Variants in RIPK2 observed in about 807,000 individuals in gnomAD.
RIPK2 encodes receptor interacting serine/threonine kinase 2, also known as receptor-interacting serine/threonine-protein kinase 2.
In RIPK2, 38 loss-of-function variants were observed where a neutral mutation model predicts 60.9. The observed-to-expected ratio is 0.62, with a 90% CI of 0.48 to 0.82. The LOEUF (loss-of-function observed/expected upper bound fraction) is 0.82, where lower values mean the gene tolerates loss of function less well. RIPK2 is among the 40% of genes least tolerant of loss of function. The probability of loss-of-function intolerance (pLI) is 0.00; values close to 1 mark genes in which losing one functional copy is unlikely to be tolerated. For synonymous variants in RIPK2, 225 were observed against 223.4 expected, an observed-to-expected ratio of 1.01 and a Z score of -0.06; for missense variants, 518 against 647.0, an observed-to-expected ratio of 0.80 and a Z score of 2.16.
chr8:89,765,594 TTAGAGA>T (rs1181455200), intron 3 of RIPK2, 98 bp downstream of exon 3: 1 of 703,680 alleles, frequency 1.4e-6, no homozygotes, highest in African/African-American at 1.8e-5. Context: ...ATGTCTCTCC[TTAGAGA>T]TAGAGACTAA....
chr8:89,764,657 A>C (rs115523763), intron 2 of RIPK2, among the ~76,000 whole-genome samples: 1 of 152,170 alleles, frequency 6.6e-6, no homozygotes, highest in Admixed American at 6.6e-5. Flanking sequence ...ACTATGAAAA[A>C]TAAAATGTTA....
intron 3 of RIPK2, among the ~76,000 whole-genome samples, chr8:89,766,355 C>T (rs556188318): frequency 7.9e-5 from 12 of 151,850 alleles, no homozygotes; most frequent in Non-Finnish European, 1.8e-4. Context: ...CCCAAGAATG[C>T]AAATGCTGGG....
At position 89,771,809 on chromosome 8, in the gene RIPK2, T is replaced by C. The variant is rs897997028; in HGVS notation, c.691+19T>C. ...TTTGAAGGTAAGTATGGTTTGACTT[T>C]TTTATGCTCAATAACATCATGTTAG... is the stretch of plus-strand genomic sequence containing the variant. On this transcript the variant is annotated intron_variant, in intron 5 of 10. Coordinates refer to ENST00000220751, the MANE Select transcript of RIPK2 (RefSeq NM_003821.6). 3.2e-6 allele frequency: 5 copies of C among 1,539,464 alleles called. No individual in the cohort carries two copies. In the African/African-American group the frequency reaches 6.8e-5, roughly 21 times the overall value.
At chr8:89,774,884 T>C (rs1432109764) in intron 6 of RIPK2, among the ~76,000 whole-genome samples, 1 of 152,064 alleles carries the variant, frequency 6.6e-6, no homozygotes, top group Non-Finnish European at 1.5e-5. Context: ...CCTTGTGTCT[T>C]GGAAGTCAAG....
chr8:89,775,285 A>AT (rs1467250115), intron 6 of RIPK2, among the ~76,000 whole-genome samples: 1 of 151,834 alleles, frequency 6.6e-6, no homozygotes, highest in East Asian at 1.9e-4. Context: ...AAAAATAAAA[A>AT]TAAAAAAAAA....
intron 7 of RIPK2, chr8:89,780,524 A>AT (rs547474552): frequency 1.1e-4 from 17 of 154,584 alleles, no homozygotes; most frequent in African/African-American, 3.6e-4. Context: ...GTAAAAAAAA[A>AT]AAAAAAGACA....
intron 8 of RIPK2, among the ~76,000 whole-genome samples, chr8:89,785,886 ATTAC>A (rs1196975545): frequency 2.6e-5 from 4 of 152,174 alleles, no homozygotes; most frequent in Non-Finnish European, 5.9e-5. Flanking sequence ...AAAATTCTCC[ATTAC>A]TTTTTCCATG....
At chr8:89,785,732 G>A (rs1563618781) in intron 8 of RIPK2, among the ~76,000 whole-genome samples, 1 of 152,132 alleles carries the variant, frequency 6.6e-6, no homozygotes, top group Admixed American at 6.5e-5. Context: ...ATCACTTGAT[G>A]TACAGTATTT....
chr8:89,758,007 TG>T lies in RIPK2; in HGVS notation c.-51del. 6.7e-7 allele frequency: 1 copy of T among 1,487,326 alleles called. No individual in the cohort carries two copies. Among genetic ancestry groups the T allele is most frequent in the Non-Finnish European group, 9.0e-7 (1 of 1,114,672 alleles). The allele number at this position is 1,487,326 out of a possible 1,614,324, so 92.1% of individuals were successfully genotyped here. The stretch of plus-strand genomic sequence containing the variant: ...GCGCCTGAGCGCGGCGTGGGAGCCT[TG>T]GGAGCCGCCGCAGCAGGGGGCACAC... On this transcript the variant is annotated 5_prime_UTR_variant, in exon 1 of 11. Transcript: ENST00000220751.
intron 5 of RIPK2, among the ~76,000 whole-genome samples, chr8:89,772,037 C>T (rs1809322562): frequency 6.6e-6 from 1 of 151,950 alleles, no homozygotes; most frequent in East Asian, 1.9e-4. Flanking sequence ...GATTTTAATT[C>T]TTGTTCTGAC....
rs942850507 is a variant in RIPK2 at position 89,758,116 on chromosome 8, C to G, written c.56C>G (p.Ala19Gly). The change falls in exon 1 of 11, where the codon GCC becomes GGC. Residue 19 changes from alanine (A) to glycine (G), a missense_variant. This residue lies in a region of RIPK2 where 448 missense variants were observed against 534.7 expected (regional missense o/e 0.84). Coordinates refer to ENST00000220751, the MANE Select transcript of RIPK2 (RefSeq NM_003821.6). ...CCCACCATTCCCTACCACAAACTCG[C>G]CGACCTGCGCTACCTGAGCCGCGGC... is the stretch of plus-strand genomic sequence containing the variant. ...ALPTIPYHKLADLRYLSRGAS... is the reference protein window; with the variant it reads ...ALPTIPYHKLGDLRYLSRGAS... 2.5e-6 allele frequency: 4 copies of G among 1,605,652 alleles called. No homozygotes were observed. The African/African-American group carries it at 5.4e-5, about 21-fold the overall frequency.
In RIPK2 at chr8:89,762,965, A is replaced by C. The variant is rs200818100; in HGVS notation, c.310A>C (p.Asn104His). The C allele has an allele frequency of 2.6e-5, 39 of 1,505,444 alleles. No homozygotes were observed. The highest frequency in any genetic ancestry group is 3.4e-5 in the Non-Finnish European group (38 of 1,117,696). 93.3% of individuals were successfully genotyped at this position (1,505,444 alleles called of 1,614,324 possible). A position where few individuals can be genotyped will look rare whatever the true frequency, so the allele number is the denominator to read the frequency against. ...TGAATACATGCCAAATGGATCATTA[A>C]ATGAACTCCTACATAGGGTAAGTAT... ...VTEYMPNGSLNELLHRKTEYP... is the reference protein window; with the variant it reads ...VTEYMPNGSLHELLHRKTEYP... Residue 104 changes from asparagine to histidine, a missense_variant, in exon 2 of 11, where the codon AAT becomes CAT. Around this residue, in one of 3 missense-constraint regions of RIPK2, gnomAD observed 448 missense variants for 534.7 expected, o/e 0.84. Transcript: ENST00000220751.
chr8:89,760,564 A>G (rs1244015648), intron 1 of RIPK2, among the ~76,000 whole-genome samples: 1 of 152,202 alleles, frequency 6.6e-6, no homozygotes, highest in Non-Finnish European at 1.5e-5. Flanking sequence ...TTCCTACTAT[A>G]TTCTTTGATC....
intron 1 of RIPK2, 148 bp downstream of exon 1, chr8:89,758,381 A>G (rs39499): frequency 0.57 from 433,485 of 766,506 alleles, 126,081 homozygotes; most frequent in African/African-American, 0.69. Context: ...CAAGCTTGGG[A>G]GATAGGGAGC....
intron 4 of RIPK2, 71 bp from the exon 5 acceptor site, chr8:89,771,670 A>G: frequency 4.0e-6 from 4 of 1,007,658 alleles, no homozygotes; most frequent in South Asian, 3.0e-5. Flanking sequence ...GCTTTTAAAA[A>G]TAGTGCTATT....
chr8:89,780,035 A>G, intron 6 of RIPK2, 40 bp from the exon 7 acceptor site: 1 of 985,710 alleles, frequency 1.0e-6, no homozygotes, highest in Non-Finnish European at 1.5e-6. Flanking sequence ...AATACTTAGA[A>G]GCAATCTGAA....
At chr8:89,764,684 G>A (rs1809197828) in intron 2 of RIPK2, among the ~76,000 whole-genome samples, 1 of 152,012 alleles carries the variant, frequency 6.6e-6, no homozygotes, top group African/African-American at 2.4e-5. Context: ...AAATGTGTCT[G>A]TTCTATACAG....
At position 89,757,940 on chromosome 8, in the gene RIPK2, A is replaced by G. The variant is rs1007346183; in HGVS notation, c.-121A>G. On this transcript the variant is annotated 5_prime_UTR_variant, in exon 1 of 11. Coordinates refer to ENST00000220751, the MANE Select transcript of RIPK2 (RefSeq NM_003821.6). ...CCTCGTGACCTAGTGTTGCGGGGCA[A>G]AAAGGGTCTTGCCGGCCTCGCTCGT... 1 of 1,408,798 alleles carries G rather than the reference A, an allele frequency of 7.1e-7. No individual in the cohort carries two copies. Among genetic ancestry groups the G allele is most frequent in the Admixed American group, 3.0e-5 (1 of 33,190 alleles). The allele number at this position is 1,408,798 out of a possible 1,614,324, so 87.3% of individuals were successfully genotyped here.
chr8:89,782,112 G>A lies in RIPK2; in HGVS notation c.940-1938G>A, dbSNP rs149119393. On this transcript the variant is annotated intron_variant, in intron 7 of 10. Transcript: ENST00000220751. ...GAGGCTATAGTGAGCTGGCACTCCA[G>A]CCAGGGTGACAGAGTGAGACCCTGT... 3.4e-3 allele frequency among the ~76,000 whole-genome samples: 520 copies of A among 152,234 alleles called. 3 individuals carry two copies. Among genetic ancestry groups the A allele is most frequent in the African/African-American group, 0.012 (495 of 41,538 alleles).
Sources: allele counts gnomAD v4.1 joint callset (sites outside exome capture counted in the v4.1 genomes callset), GRCh38; gene constraint gnomAD v4.1.1; regional missense constraint gnomAD v4.1.1; transcripts MANE v1.5; gene names NCBI Gene and HGNC (gene_info 2026-07-23, HGNC 2026-07-21).